Variants in ZCCHC7 observed in about 807,000 individuals in gnomAD.
ZCCHC7 encodes zinc finger CCHC-type containing 7, also known as zinc finger CCHC domain-containing protein 7.
ZCCHC7 carries 35 observed loss-of-function variants against 52.0 expected under a neutral mutation model. The observed-to-expected ratio is 0.67, with a 90% confidence interval of 0.51 to 0.89. The LOEUF is 0.89. ZCCHC7 is among the 40% of genes least tolerant of loss of function. The pLI is 0.00. For synonymous variants in ZCCHC7, 217 were observed against 221.5 expected (o/e 0.98, Z 0.18); for missense variants, 574 against 649.1 (o/e 0.88, Z 1.26).
intron 2 of ZCCHC7, among the ~76,000 whole-genome samples, chr9:37,183,800 T>TA (rs1215094938): frequency 1.3e-5 from 2 of 152,226 alleles, no homozygotes; most frequent in African/African-American, 4.8e-5. Flanking sequence ...TGTAAAGAGA[T>TA]AAAGTAATAT....
At chr9:37,247,044 A>G (rs945486955) in intron 2 of ZCCHC7, among the ~76,000 whole-genome samples, 5 of 152,056 alleles carry the variant, frequency 3.3e-5, no homozygotes, top group Non-Finnish European at 7.4e-5. Flanking sequence ...CTTCCTATCT[A>G]ACTGAAATTT....
At chr9:37,276,779 T>C (rs1564219826) in intron 2 of ZCCHC7, among the ~76,000 whole-genome samples, 1 of 152,214 alleles carries the variant, frequency 6.6e-6, no homozygotes, top group African/African-American at 2.4e-5. Context: ...TTCTCTGATG[T>C]AGAGGATTTA....
chr9:37,220,823 T>C (rs1824771930), intron 2 of ZCCHC7, among the ~76,000 whole-genome samples: 1 of 151,994 alleles, frequency 6.6e-6, no homozygotes, highest in African/African-American at 2.4e-5. Context: ...AGGAGAGAAG[T>C]CTGATTTGTT....
intron 5 of ZCCHC7, among the ~76,000 whole-genome samples, chr9:37,320,499 G>A (rs1265335857): frequency 6.6e-6 from 1 of 152,106 alleles, no homozygotes; most frequent in Non-Finnish European, 1.5e-5. Flanking sequence ...GATTACAGTT[G>A]TGTTCCAGTC....
At chr9:37,166,697 C>G (rs1210399191) in intron 2 of ZCCHC7, among the ~76,000 whole-genome samples, 1 of 152,036 alleles carries the variant, frequency 6.6e-6, no homozygotes, top group Admixed American at 6.6e-5. Context: ...ATCAATTTCC[C>G]ACTAAGTACT....
At chr9:37,193,997 G>A (rs749008520) in intron 2 of ZCCHC7, among the ~76,000 whole-genome samples, 2 of 151,944 alleles carry the variant, frequency 1.3e-5, no homozygotes, top group Non-Finnish European at 2.9e-5. Flanking sequence ...TGATTTTCAG[G>A]TTCACACTCA....
At chr9:37,227,379 GA>G (rs1347505709) in intron 2 of ZCCHC7, among the ~76,000 whole-genome samples, 1 of 152,124 alleles carries the variant, frequency 6.6e-6, no homozygotes, top group East Asian at 1.9e-4. Flanking sequence ...TAGTTATTAG[GA>G]AAATGAAACT....
At position 37,356,935 on chromosome 9, in the gene ZCCHC7, A is replaced by C; in HGVS notation, c.1299A>C (p.Ser433=). ...ATGATATAAGGAAGGGCCGTGCCTC[A>C]TGGAAAAGCAACAGGTGGCCTCAAG... ...PHHDIRKGRA[S]WKSNRWPQEN... is the part of the protein sequence containing the mutation. The change falls in exon 9 of 9, where the codon TCA becomes TCC. Residue 433 remains serine (S), a synonymous_variant. Coordinates refer to ENST00000336755, the MANE Select transcript of ZCCHC7 (RefSeq NM_032226.3). 1 of 1,613,976 alleles carries C rather than the reference A, an allele frequency of 6.2e-7. No individual in the cohort carries two copies. Among genetic ancestry groups the C allele is most frequent in the Non-Finnish European group, 8.5e-7 (1 of 1,179,956 alleles).
intron 2 of ZCCHC7, among the ~76,000 whole-genome samples, chr9:37,194,951 T>C (rs1056559420): frequency 3.3e-5 from 5 of 149,816 alleles, no homozygotes; most frequent in South Asian, 2.1e-4. Flanking sequence ...TTTTTTCTTT[T>C]TTTTTTTTTT....
intron 1 of ZCCHC7, among the ~76,000 whole-genome samples, chr9:37,122,892 G>C (rs1842375910): frequency 1.3e-5 from 2 of 152,350 alleles, no homozygotes; most frequent in South Asian, 4.1e-4. Flanking sequence ...AGCCGAGATT[G>C]CGCCACTGCA....
chr9:37,329,070 A>G (rs1190905817), intron 6 of ZCCHC7, among the ~76,000 whole-genome samples: 1 of 151,924 alleles, frequency 6.6e-6, no homozygotes, highest in Non-Finnish European at 1.5e-5. Flanking sequence ...AAATCATTAC[A>G]GCCTAAACTT....
rs1235991383 is a variant in ZCCHC7 at position 37,354,934 on chromosome 9, T to A, written c.1198+110T>A. 7.8e-6 allele frequency: 5 copies of A among 643,042 alleles called. No homozygotes were observed. In the African/African-American group the frequency reaches 9.2e-5, roughly 12 times the overall value. The allele number at this position is 643,042 out of a possible 1,614,324, so 39.8% of individuals were successfully genotyped here. A position where few individuals can be genotyped will look rare whatever the true frequency, so the allele number is the denominator to read the frequency against. On this transcript the variant is annotated intron_variant, in intron 8 of 8. Transcript: ENST00000336755. The surrounding 1 kb of genome is among the most constrained non-coding windows in gnomAD (Gnocchi z 4.0). ...TCATTGGTTAGCATAGAAAGTATTT[T>A]TAGTAATTACCAAAGAGACTGGAAC... is the stretch of plus-strand genomic sequence containing the variant.
intron 2 of ZCCHC7, among the ~76,000 whole-genome samples, chr9:37,244,610 C>T (rs1018738066): frequency 1.3e-4 from 20 of 151,606 alleles, no homozygotes; most frequent in Admixed American, 1.3e-3. Flanking sequence ...TTATTTTTGC[C>T]AAGACAGTTT....
At chr9:37,253,809 GAT>G (rs1826445731) in intron 2 of ZCCHC7, among the ~76,000 whole-genome samples, 1 of 151,932 alleles carries the variant, frequency 6.6e-6, no homozygotes, top group Non-Finnish European at 1.5e-5. Context: ...TTACCTCCTT[GAT>G]ACAGTTTAAA....
intron 2 of ZCCHC7, among the ~76,000 whole-genome samples, chr9:37,155,409 C>A (rs1334988092): frequency 1.3e-5 from 2 of 151,588 alleles, no homozygotes; most frequent in Non-Finnish European, 2.9e-5. Context: ...TTAGTAATAA[C>A]CAAGTCAACC....
chr9:37,348,800 G>A (rs1245720978), intron 6 of ZCCHC7, among the ~76,000 whole-genome samples: 1 of 152,026 alleles, frequency 6.6e-6, no homozygotes. Flanking sequence ...ATTTACACCC[G>A]GCTATGTATG....
chr9:37,236,569 T>C (rs1825663261), intron 2 of ZCCHC7, among the ~76,000 whole-genome samples: 1 of 152,030 alleles, frequency 6.6e-6, no homozygotes, highest in Non-Finnish European at 1.5e-5. Flanking sequence ...TTTTTTTTTG[T>C]ATTTTTAGCA....
At chr9:37,309,284 G>A (rs906343172) in intron 5 of ZCCHC7, among the ~76,000 whole-genome samples, 3 of 152,094 alleles carry the variant, frequency 2.0e-5, no homozygotes, top group Non-Finnish European at 4.4e-5. Context: ...CATGGAAGCC[G>A]AGTCATTCTG....
intron 2 of ZCCHC7, among the ~76,000 whole-genome samples, chr9:37,151,747 G>T (rs1209794242): frequency 6.6e-6 from 1 of 152,160 alleles, no homozygotes; most frequent in Non-Finnish European, 1.5e-5. Flanking sequence ...GGAGGTTGCA[G>T]TGAGCCGAGA....
Sources: allele counts gnomAD v4.1 joint callset (sites outside exome capture counted in the v4.1 genomes callset), GRCh38; gene constraint gnomAD v4.1.1; non-coding constraint Gnocchi (gnomAD v3.1); transcripts MANE v1.5; gene names NCBI Gene and HGNC (gene_info 2026-07-23, HGNC 2026-07-21).